IFT88: variants seen among roughly 807,000 people sequenced by gnomAD.
The protein encoded by IFT88 is intraflagellar transport 88.
Under a neutral mutation model 119.5 loss-of-function variants are expected in IFT88, and 74 were observed. That is an observed-to-expected ratio of 0.62 (90% CI 0.51 to 0.75). The LOEUF (loss-of-function observed/expected upper bound fraction) is 0.75. Ranked by LOEUF, IFT88 falls within the 30% of genes least tolerant of loss-of-function variation. IFT88 has a pLI of 0.00. For synonymous variants in IFT88, 279 were observed against 316.7 expected (o/e 0.88, Z 1.26); for missense variants, 961 against 977.7 (o/e 0.98, Z 0.23).
chr13:20,644,726 AC>A, intron 19 of IFT88, 116 bp from the exon 20 acceptor site: 1 of 564,660 alleles, frequency 1.8e-6, no homozygotes, highest in Non-Finnish European at 3.2e-6. Flanking sequence ...GACAGTTCAT[AC>A]TCCTTTATTA....
At chr13:20,685,046 C>T (rs529671166) in intron 24 of IFT88, among the ~76,000 whole-genome samples, 1 of 152,206 alleles carries the variant, frequency 6.6e-6, no homozygotes, top group Non-Finnish European at 1.5e-5. Flanking sequence ...GGAATCTGAC[C>T]CACATATTAT....
intron 2 of IFT88, among the ~76,000 whole-genome samples, chr13:20,581,398 C>A (rs771856802): frequency 6.6e-6 from 1 of 151,906 alleles, no homozygotes; most frequent in African/African-American, 2.4e-5. Context: ...CCAAATTTTA[C>A]TAATAATTTA....
At chr13:20,627,007 CAAAG>C (rs2047446009) in intron 15 of IFT88, among the ~76,000 whole-genome samples, 1 of 152,110 alleles carries the variant, frequency 6.6e-6, no homozygotes, top group Admixed American at 6.5e-5. Context: ...AAAGGACTAA[CAAAG>C]GAAGTGGGGA....
intron 24 of IFT88, among the ~76,000 whole-genome samples, chr13:20,683,938 T>C (rs1228527026): frequency 6.6e-6 from 1 of 152,210 alleles, no homozygotes; most frequent in African/African-American, 2.4e-5. Context: ...TGTATGTACT[T>C]GCACTCCTTT....
At chr13:20,626,108 T>C in intron 15 of IFT88, among the ~76,000 whole-genome samples, 1 of 108,618 alleles carries the variant, frequency 9.2e-6, no homozygotes, top group African/African-American at 3.5e-5. Context: ...TTGCCTAGGC[T>C]AGAGTGCAGT....
intron 20 of IFT88, 141 bp from the exon 21 acceptor site, chr13:20,653,735 A>T (rs1162862460): frequency 1.1e-5 from 5 of 459,862 alleles, no homozygotes; most frequent in Non-Finnish European, 1.5e-5. Context: ...GAGGGAAATT[A>T]TATATCTGCT....
chr13:20,641,254 A>G (rs769680907), intron 17 of IFT88, 36 bp from the exon 18 acceptor site: 4 of 1,092,410 alleles, frequency 3.7e-6, no homozygotes, highest in Non-Finnish European at 5.5e-6. Flanking sequence ...CAATAATGAT[A>G]CTTATAGATT....
intron 2 of IFT88, among the ~76,000 whole-genome samples, chr13:20,581,136 A>G (rs1263997428): frequency 6.6e-6 from 1 of 152,248 alleles, no homozygotes; most frequent in East Asian, 1.9e-4. Flanking sequence ...ACCCAAAAAT[A>G]AATTAGACAG....
chr13:20,677,327 C>T (rs1285814485), intron 24 of IFT88, among the ~76,000 whole-genome samples: 1 of 152,160 alleles, frequency 6.6e-6, no homozygotes, highest in African/African-American at 2.4e-5. Flanking sequence ...CTGAGAATTG[C>T]AGCTGTAACA....
At chr13:20,672,688 C>T (rs1373335247) in intron 24 of IFT88, among the ~76,000 whole-genome samples, 2 of 152,148 alleles carry the variant, frequency 1.3e-5, no homozygotes, top group African/African-American at 4.8e-5. Context: ...ATGTATTAGC[C>T]ATGTATCACA....
intron 24 of IFT88, among the ~76,000 whole-genome samples, chr13:20,674,725 T>TATA (rs1491475484): frequency 3.7e-3 from 116 of 31,370 alleles, no homozygotes; most frequent in East Asian, 0.023. Flanking sequence ...TATATATATA[T>TATA]TTTTTTTTTT....
chr13:20,687,147 G>A (rs2058029807), intron 24 of IFT88, among the ~76,000 whole-genome samples: 1 of 151,710 alleles, frequency 6.6e-6, no homozygotes. Context: ...TCGGGATGTA[G>A]TCGGCCACCA....
chr13:20,683,652 C>T (rs7984715), intron 24 of IFT88, among the ~76,000 whole-genome samples: 24,920 of 152,046 alleles, frequency 0.16, 2,385 homozygotes, highest in African/African-American at 0.25. Flanking sequence ...TGGAAATGTC[C>T]GCTCCTGTAT....
At chr13:20,620,864 T>C (rs2046368514) in intron 14 of IFT88, among the ~76,000 whole-genome samples, 1 of 152,168 alleles carries the variant, frequency 6.6e-6, no homozygotes, top group Admixed American at 6.5e-5. Context: ...AGTGCCCTTA[T>C]AAAAAGAGAC....
chr13:20,663,317 C>G, intron 22 of IFT88, 181 bp from the exon 23 acceptor site: 1 of 1,508,780 alleles, frequency 6.6e-7, no homozygotes, highest in South Asian at 1.2e-5. Context: ...AACCTCCTTC[C>G]AAGGAAGTCA....
intron 24 of IFT88, among the ~76,000 whole-genome samples, chr13:20,680,870 G>A (rs142555544): frequency 0.019 from 2,820 of 152,162 alleles, 29 homozygotes; most frequent in South Asian, 0.032. Flanking sequence ...CGTTGTTATC[G>A]AATCTCTCCA....
At chr13:20,568,901 T>C (rs2035578281) in intron 1 of IFT88, among the ~76,000 whole-genome samples, 1 of 152,030 alleles carries the variant, frequency 6.6e-6, no homozygotes, top group Non-Finnish European at 1.5e-5. Context: ...TTTGTATTTT[T>C]AGTAGAGACG....
At chr13:20,657,156 G>A (rs964591273) in intron 22 of IFT88, among the ~76,000 whole-genome samples, 2 of 152,112 alleles carry the variant, frequency 1.3e-5, no homozygotes, top group South Asian at 2.1e-4. Context: ...GCTCCTGGCG[G>A]CAAATAATTT....
chr13:20,648,461 G>A (rs2051078781), intron 20 of IFT88, among the ~76,000 whole-genome samples: 1 of 152,084 alleles, frequency 6.6e-6, no homozygotes, highest in Non-Finnish European at 1.5e-5. Flanking sequence ...AGTTTCAGAT[G>A]TTAATTATAA....
Sources: allele counts gnomAD v4.1 joint callset (sites outside exome capture counted in the v4.1 genomes callset), GRCh38; gene constraint gnomAD v4.1.1; transcripts MANE v1.5; gene names NCBI Gene and HGNC (gene_info 2026-07-23, HGNC 2026-07-21).